Variants in TUSC3 observed in about 807,000 individuals in gnomAD.
The protein encoded by TUSC3 is tumor suppressor candidate 3, also known as dolichyl-diphosphooligosaccharide--protein glycosyltransferase subunit TUSC3.
Under a neutral mutation model 44.8 loss-of-function variants are expected in TUSC3, and 45 were observed. The observed-to-expected ratio is 1.00, with a 90% CI of 0.79 to 1.29. The LOEUF (loss-of-function observed/expected upper bound fraction) is 1.29, where lower values mean the gene tolerates loss of function less well. Among genes scored for constraint, TUSC3 ranks in the 50% most tolerant of loss-of-function variants. The pLI, the probability that TUSC3 is intolerant of heterozygous loss-of-function variation, is 0.00. For missense variants in TUSC3, 519 were observed against 437.9 expected (o/e 1.19, Z -1.65); for synonymous variants, 212 against 152.9 (o/e 1.39, Z -2.85).
At chr8:15,769,356 G>A (rs529489829), downstream of TUSC3, among the ~76,000 whole-genome samples, 7 of 152,282 alleles carry the variant, frequency 4.6e-5, no homozygotes, top group East Asian at 1.4e-3. Context: ...AAATGGTGAT[G>A]GGAAAACTGG....
At chr8:15,682,844 T>C (rs1366130041) in intron 6 of TUSC3, among the ~76,000 whole-genome samples, 1 of 151,306 alleles carries the variant, frequency 6.6e-6, no homozygotes, top group East Asian at 1.9e-4. Context: ...GTAAGGCCAG[T>C]CTTGTGGTAA....
chr8:15,709,624 G>GGATGAT (rs763021046), intron 6 of TUSC3, among the ~76,000 whole-genome samples: 1 of 151,676 alleles, frequency 6.6e-6, no homozygotes, highest in African/African-American at 2.4e-5. Flanking sequence ...ATGAGGAGGA[G>GGATGAT]GATGATGATG....
Position 15,764,525 on chromosome 8 carries a change from G to A in TUSC3, c.*369G>A, listed in dbSNP as rs965264448. 12 of 295,580 alleles carry A rather than the reference G, an allele frequency of 4.1e-5. No homozygotes were observed. The highest frequency in any genetic ancestry group is 6.5e-5 in the Non-Finnish European group (10 of 153,878). 18.3% of individuals were successfully genotyped at this position (295,580 alleles called of 1,614,324 possible). ...GCTGTTTACTCATTAGTAAAGGACC[G>A]CAATGTTAGTAAAGAAAACCTATGA... is the stretch of plus-strand genomic sequence containing the variant. On this transcript the variant is annotated 3_prime_UTR_variant, in exon 11 of 11. Coordinates refer to ENST00000503731, the MANE Select transcript of TUSC3 (RefSeq NM_006765.4).
At chr8:15,617,482 A>C (rs1163832383) in intron 1 of TUSC3, among the ~76,000 whole-genome samples, 1 of 151,746 alleles carries the variant, frequency 6.6e-6, no homozygotes, top group East Asian at 1.9e-4. Flanking sequence ...GATGCCTCCA[A>C]CTCCTGTCCA....
chr8:15,808,819 T>C, the TUSC3 span, among the ~76,000 whole-genome samples: 1 of 152,138 alleles, frequency 6.6e-6, no homozygotes, highest in Non-Finnish European at 1.5e-5. Context: ...CTAATTGTGC[T>C]TCCAGGGATT....
intron 9 of TUSC3, 143 bp from the exon 10 acceptor site, chr8:15,757,648 G>A (rs1811982381): frequency 4.7e-6 from 5 of 1,059,800 alleles, no homozygotes; most frequent in South Asian, 2.7e-5. Context: ...CTGGCATTCT[G>A]TAAAGGCACC....
At chr8:15,464,003 A>G (rs149318466) in intron 1 of TUSC3, among the ~76,000 whole-genome samples, 1 of 152,280 alleles carries the variant, frequency 6.6e-6, no homozygotes, top group African/African-American at 2.4e-5. Context: ...CTTAGGAAAA[A>G]GATTCCTAAA....
chr8:15,496,294 A>G (rs1227040843), intron 2 of TUSC3, among the ~76,000 whole-genome samples: 5 of 152,168 alleles, frequency 3.3e-5, no homozygotes, highest in Non-Finnish European at 7.3e-5. Flanking sequence ...TGCTAAAGCA[A>G]TATCTGGCAC....
downstream of TUSC3, among the ~76,000 whole-genome samples, chr8:15,771,127 G>A (rs1812433532): frequency 6.6e-6 from 1 of 152,112 alleles, no homozygotes; most frequent in African/African-American, 2.4e-5. Context: ...GAAACCATCG[G>A]CCAAGAATTC....
chr8:15,583,343 AACTC>A (rs1259291700), intron 1 of TUSC3, among the ~76,000 whole-genome samples: 4 of 152,200 alleles, frequency 2.6e-5, no homozygotes, highest in Non-Finnish European at 5.9e-5. Flanking sequence ...GAACTAATAA[AACTC>A]ACTTTAGATT....
intron 2 of TUSC3, among the ~76,000 whole-genome samples, chr8:15,530,140 C>G (rs1297866534): frequency 1.3e-5 from 2 of 151,894 alleles, no homozygotes; most frequent in Non-Finnish European, 2.9e-5. Flanking sequence ...GAATATGGGG[C>G]TGAAGTCTCT....
At chr8:15,626,674 G>T (rs566176251) in intron 2 of TUSC3, among the ~76,000 whole-genome samples, 127 of 152,316 alleles carry the variant, frequency 8.3e-4, no homozygotes, top group African/African-American at 3.0e-3. Context: ...GTCTCTCCCT[G>T]CTCTTGGTGG....
intron 1 of TUSC3, among the ~76,000 whole-genome samples, chr8:15,442,190 G>T (rs116598195): frequency 0.022 from 3,379 of 151,778 alleles, 145 homozygotes; most frequent in African/African-American, 0.077. Context: ...GTATATATAC[G>T]ATTTTTGTCA....
intron 2 of TUSC3, among the ~76,000 whole-genome samples, chr8:15,492,158 C>G (rs1241021073): frequency 1.3e-5 from 2 of 152,068 alleles, no homozygotes; most frequent in Non-Finnish European, 2.9e-5. Flanking sequence ...GTTGACCAGG[C>G]TATAGATATG....
chr8:15,507,980 G>T (rs184136377), intron 2 of TUSC3, among the ~76,000 whole-genome samples: 1 of 152,222 alleles, frequency 6.6e-6, no homozygotes. Context: ...AGTAGCTCAG[G>T]CCTGTAATCC....
intron 1 of TUSC3, among the ~76,000 whole-genome samples, chr8:15,582,212 A>C (rs1038194048): frequency 6.6e-6 from 1 of 152,018 alleles, no homozygotes; most frequent in Non-Finnish European, 1.5e-5. Context: ...ACTGTCTGGC[A>C]CTCCCTAGTG....
At chr8:15,476,436 C>T (rs995123665) in intron 1 of TUSC3, among the ~76,000 whole-genome samples, 1 of 152,100 alleles carries the variant, frequency 6.6e-6, no homozygotes, top group Non-Finnish European at 1.5e-5. Context: ...TTTCTAAGAA[C>T]ATAGTAGCTA....
chr8:15,502,723 C>A (rs190180237), intron 2 of TUSC3, among the ~76,000 whole-genome samples: 2 of 152,190 alleles, frequency 1.3e-5, no homozygotes, highest in African/African-American at 4.8e-5. Context: ...GATCTCCTGA[C>A]CTCGTGATCC....
At chr8:15,685,317 G>A (rs1808585363) in intron 6 of TUSC3, among the ~76,000 whole-genome samples, 1 of 151,034 alleles carries the variant, frequency 6.6e-6, no homozygotes, top group Non-Finnish European at 1.5e-5. Flanking sequence ...CTAGTGCCCA[G>A]CGACTCTGAG....
Sources: allele counts gnomAD v4.1 joint callset (sites outside exome capture counted in the v4.1 genomes callset), GRCh38; gene constraint gnomAD v4.1.1; transcripts MANE v1.5; gene names NCBI Gene and HGNC (gene_info 2026-07-23, HGNC 2026-07-21).